Variants in DRC4 observed in about 807,000 individuals in gnomAD.
DRC4 encodes the protein dynein regulatory complex subunit 4.
At chr16:90,041,598 G>T in the DRC4 span, among the ~76,000 whole-genome samples, 1 of 152,156 alleles carries the variant, frequency 6.6e-6, no homozygotes, top group African/African-American at 2.4e-5. Context: ...GAGTTTGGGA[G>T]TTCAAGACCA....
the DRC4 span, among the ~76,000 whole-genome samples, chr16:90,041,300 G>A: frequency 6.6e-6 from 1 of 152,324 alleles, no homozygotes; most frequent in East Asian, 1.9e-4. Context: ...CTGGGGAAAT[G>A]ACAGAGGCCC....
chr16:90,019,875 C>T, the DRC4 span: 2 of 593,356 alleles, frequency 3.4e-6, no homozygotes, highest in Admixed American at 4.5e-5. The surrounding 1 kb of genome is among the most constrained non-coding windows in gnomAD (Gnocchi z 6.1). Context: ...ACAGAGCGCC[C>T]TGGATGGCGC....
chr16:90,027,152 C>T, the DRC4 span, among the ~76,000 whole-genome samples: 6 of 147,474 alleles, frequency 4.1e-5, no homozygotes, highest in African/African-American at 1.3e-4. Flanking sequence ...GTGGTGTGAT[C>T]TCGGCTCACT....
the DRC4 span, among the ~76,000 whole-genome samples, chr16:90,024,808 A>AAAAAAC: frequency 6.6e-6 from 1 of 152,122 alleles, no homozygotes; most frequent in Admixed American, 6.5e-5. Flanking sequence ...TCCATCTCAA[A>AAAAAAC]AAAAACAAAA....
At chr16:90,037,760 A>G in the DRC4 span, 1 of 1,611,076 alleles carries the variant, frequency 6.2e-7, no homozygotes, top group Non-Finnish European at 8.5e-7. Context: ...TTTTTCCTCC[A>G]GTGCACAAAA....
the DRC4 span, chr16:90,031,490 G>A: frequency 6.4e-7 from 1 of 1,560,444 alleles, no homozygotes; most frequent in African/African-American, 1.4e-5. Context: ...ACCAGGTGGA[G>A]ATCAAGGTGA....
At chr16:90,029,167 G>A in the DRC4 span, 4 of 1,351,450 alleles carry the variant, frequency 3.0e-6, no homozygotes, top group African/African-American at 3.0e-5. Context: ...GCAGGCTACG[G>A]GGCAGCTTAC....
At chr16:90,034,149 C>T in the DRC4 span, among the ~76,000 whole-genome samples, 1 of 152,156 alleles carries the variant, frequency 6.6e-6, no homozygotes, top group Non-Finnish European at 1.5e-5. Flanking sequence ...TTTCTGAACA[C>T]ATTTGCCTCA....
At chr16:90,037,658 T>C in the DRC4 span, 1 of 1,180,712 alleles carries the variant, frequency 8.5e-7, no homozygotes, top group Non-Finnish European at 1.3e-6. Context: ...ACCAGGTCTT[T>C]CTGGCGATTA....
At chr16:90,042,791 A>T in the DRC4 span, 1 of 537,334 alleles carries the variant, frequency 1.9e-6, no homozygotes, top group Non-Finnish European at 3.4e-6. Context: ...TTCCCTGGTC[A>T]GCCCCTTCCC....
At chr16:90,039,457 C>T in the DRC4 span, among the ~76,000 whole-genome samples, 1 of 141,646 alleles carries the variant, frequency 7.1e-6, no homozygotes, top group East Asian at 2.3e-4. Flanking sequence ...ACGATCTCGG[C>T]TCACTGCAAC....
At chr16:90,035,538 A>T in the DRC4 span, 3 of 1,520,376 alleles carry the variant, frequency 2.0e-6, no homozygotes, top group Non-Finnish European at 2.7e-6. Flanking sequence ...GGGAATATGG[A>T]GGTGACCAAA....
At chr16:90,035,392 C>T in the DRC4 span, among the ~76,000 whole-genome samples, 1 of 152,086 alleles carries the variant, frequency 6.6e-6, no homozygotes, top group African/African-American at 2.4e-5. Context: ...GATCCCACAG[C>T]TCTGTGTGGA....
the DRC4 span, among the ~76,000 whole-genome samples, chr16:90,041,874 T>G: frequency 5.3e-5 from 8 of 152,148 alleles, no homozygotes. Flanking sequence ...TAGTGACCAG[T>G]CTCCACAGTG....
chr16:90,029,851 G>A, the DRC4 span: 2 of 165,724 alleles, frequency 1.2e-5, no homozygotes, highest in South Asian at 1.9e-4. Context: ...CCACCTCCTG[G>A]GTTCACACCA....
At chr16:90,028,065 T>G in the DRC4 span, 3 of 213,484 alleles carry the variant, frequency 1.4e-5, no homozygotes, top group Non-Finnish European at 2.8e-5. Flanking sequence ...AGAACACACA[T>G]GTAGCATTCT....
chr16:90,029,145 G>C, the DRC4 span: 1 of 1,340,362 alleles, frequency 7.5e-7, no homozygotes, highest in Non-Finnish European at 9.9e-7. Flanking sequence ...AGCCTACGGG[G>C]CAGCCTACGG....
chr16:90,029,282 C>A, the DRC4 span: 8 of 1,366,400 alleles, frequency 5.9e-6, no homozygotes, highest in Non-Finnish European at 7.8e-6. Context: ...AGGGTCCAGG[C>A]AGGTGGGGAG....
At chr16:90,027,089 C>CTTT in the DRC4 span, among the ~76,000 whole-genome samples, 15 of 133,602 alleles carry the variant, frequency 1.1e-4, no homozygotes, top group African/African-American at 4.0e-4. Flanking sequence ...GGTTTCCTCT[C>CTTT]TTTTTTTTTT....
Sources: gnomAD v4.1 joint callset for allele counts (sites outside exome capture counted in the v4.1 genomes callset) on GRCh38, gnomAD v4.1.1 for gene constraint, Gnocchi (gnomAD v3.1) non-coding constraint, MANE v1.5 for transcripts, NCBI Gene and HGNC (gene_info 2026-07-23, HGNC 2026-07-21) for gene names.